The following FKBP5 variants were observed in gnomAD, a reference collection of about 807,000 sequenced individuals.
The protein encoded by FKBP5 is peptidyl-prolyl cis-trans isomerase FKBP5.
Under a neutral mutation model 50.5 loss-of-function variants are expected in FKBP5, and 23 were observed. The ratio of observed to expected loss-of-function variants is 0.46; its 90% CI spans 0.33 to 0.65. The LOEUF is 0.65. Ranked by LOEUF, FKBP5 falls within the 30% of genes least tolerant of loss-of-function variation. The probability of loss-of-function intolerance (pLI) is 0.02; values close to 1 mark genes in which losing one functional copy is unlikely to be tolerated. For synonymous variants in FKBP5, 176 were observed against 190.6 expected (o/e 0.92, Z 0.63); for missense variants, 411 against 553.1 (o/e 0.74, Z 2.58).
At chr6:35,637,310 A>G in intron 2 of FKBP5, 152 bp from the exon 3 acceptor site, 1 of 679,038 alleles carries the variant, frequency 1.5e-6, no homozygotes, top group Non-Finnish European at 2.4e-6. Context: ...ATTCCTCACA[A>G]TAACTCATTG....
Position 35,653,947 on chromosome 6 carries a change from T to A in FKBP5, c.-19-11104A>T, listed in dbSNP as rs73417679. Among the ~76,000 whole-genome samples the A allele has an allele frequency of 1.4e-3, 207 of 152,042 alleles. 1 individual carries two copies. The highest frequency in any genetic ancestry group is 4.8e-3 in the African/African-American group (199 of 41,518). On this transcript the variant is annotated intron_variant, in intron 1 of 10. Transcript: ENST00000357266. Reference sequence around the variant, plus strand: ...TAAAAATTTATTGACTTAAAAAAAATAATAAAAATAAAAAATATTGTATAA... The same window carrying A: ...TAAAAATTTATTGACTTAAAAAAAAAAATAAAAATAAAAAATATTGTATAA...
intron 1 of FKBP5, among the ~76,000 whole-genome samples, chr6:35,726,582 A>G (rs1766717276): frequency 7.5e-6 from 1 of 132,608 alleles, no homozygotes; most frequent in Non-Finnish European, 1.6e-5. Context: ...ACACACACAC[A>G]GCTCAAGGCC....
At chr6:35,642,089 A>G (rs1368369911) in intron 2 of FKBP5, among the ~76,000 whole-genome samples, 1 of 152,166 alleles carries the variant, frequency 6.6e-6, no homozygotes, top group African/African-American at 2.4e-5. Flanking sequence ...AAAAGTCTTC[A>G]AAATTGTCAT....
chr6:35,608,025 T>C (rs1353341226), intron 5 of FKBP5: 1 of 149,128 alleles, frequency 6.7e-6, no homozygotes, highest in Non-Finnish European at 1.5e-5. Flanking sequence ...ATATATACCA[T>C]GAAATACTAT....
At chr6:35,700,262 G>A (rs1258316433) in intron 2 of FKBP5, among the ~76,000 whole-genome samples, 3 of 152,172 alleles carry the variant, frequency 2.0e-5, no homozygotes, top group East Asian at 3.9e-4. Flanking sequence ...CTGGGTTCAA[G>A]CGATTCTCCT....
chr6:35,646,815 A>G (rs922320518), intron 1 of FKBP5, among the ~76,000 whole-genome samples: 1 of 152,228 alleles, frequency 6.6e-6, no homozygotes, highest in Admixed American at 6.5e-5. Flanking sequence ...CATGGCAGAT[A>G]AGCATACACT....
intron 5 of FKBP5, among the ~76,000 whole-genome samples, chr6:35,616,450 A>G (rs1763663332): frequency 6.6e-6 from 1 of 152,114 alleles, no homozygotes; most frequent in Non-Finnish European, 1.5e-5. Flanking sequence ...TACTACATCA[A>G]TGTTAACTTC....
chr6:35,597,650 A>G (rs1424641957), intron 5 of FKBP5, among the ~76,000 whole-genome samples: 1 of 152,222 alleles, frequency 6.6e-6, no homozygotes, highest in Non-Finnish European at 1.5e-5. Context: ...TTAGTGGGTA[A>G]CAAACCAGAA....
intron 1 of FKBP5, among the ~76,000 whole-genome samples, chr6:35,685,060 C>CAA (rs550437689): frequency 7.7e-6 from 1 of 130,508 alleles, no homozygotes. Context: ...GACCCCGACT[C>CAA]AAAAAAAAAA....
chr6:35,616,187 C>T (rs1420255041), intron 5 of FKBP5, among the ~76,000 whole-genome samples: 3 of 151,692 alleles, frequency 2.0e-5, no homozygotes, highest in South Asian at 2.1e-4. Flanking sequence ...TGGTGGCGTG[C>T]GCCTATAGTC....
intron 1 of FKBP5, 52 bp from the exon 2 acceptor site, chr6:35,642,895 T>G: frequency 3.0e-6 from 4 of 1,346,404 alleles, no homozygotes; most frequent in Non-Finnish European, 4.2e-6. Context: ...TCTTTATGAA[T>G]CTTGAATGTC....
intron 1 of FKBP5, among the ~76,000 whole-genome samples, chr6:35,688,401 G>A (rs1421985737): frequency 6.6e-6 from 1 of 152,074 alleles, no homozygotes; most frequent in African/African-American, 2.4e-5. Context: ...GAGAGCCGGG[G>A]GCCAGAGACC....
chr6:35,646,469 C>G (rs1377478835), intron 1 of FKBP5, among the ~76,000 whole-genome samples: 1 of 152,150 alleles, frequency 6.6e-6, no homozygotes, highest in African/African-American at 2.4e-5. Flanking sequence ...ACTGAATTTT[C>G]CAAGTATTTC....
chr6:35,612,847 A>G (rs578209492), intron 5 of FKBP5, among the ~76,000 whole-genome samples: 1 of 152,198 alleles, frequency 6.6e-6, no homozygotes, highest in Non-Finnish European at 1.5e-5. Context: ...ACACGTGGGG[A>G]TTGTGGGAAC....
At chr6:35,689,762 G>T (rs370113035), upstream of FKBP5, among the ~76,000 whole-genome samples, 9 of 152,224 alleles carry the variant, frequency 5.9e-5, no homozygotes, top group South Asian at 1.9e-3. Flanking sequence ...GCTTGAACCT[G>T]GGAGGCAGAG....
intron 2 of FKBP5, among the ~76,000 whole-genome samples, chr6:35,704,845 C>A (rs1766251665): frequency 6.6e-6 from 1 of 151,880 alleles, no homozygotes; most frequent in African/African-American, 2.4e-5. Context: ...GTCACTGAAA[C>A]CATTTGATTC....
At chr6:35,704,707 T>C (rs1295064367) in intron 2 of FKBP5, among the ~76,000 whole-genome samples, 5 of 101,190 alleles carry the variant, frequency 4.9e-5, no homozygotes, top group African/African-American at 2.4e-4. Context: ...AATGACAATA[T>C]GATTTTTTTT....
At chr6:35,689,305 C>T (rs142153369), upstream of FKBP5, among the ~76,000 whole-genome samples, 1 of 152,316 alleles carries the variant, frequency 6.6e-6, no homozygotes, top group East Asian at 1.9e-4. Flanking sequence ...TCCACAGGGC[C>T]TACCTAGAGG....
chr6:35,722,972 G>T (rs1041151309), intron 1 of FKBP5, among the ~76,000 whole-genome samples: 1 of 152,208 alleles, frequency 6.6e-6, no homozygotes, highest in African/African-American at 2.4e-5. Context: ...GATGGCTCAC[G>T]CCTGTAATCC....
Sources: allele counts gnomAD v4.1 joint callset (sites outside exome capture counted in the v4.1 genomes callset), GRCh38; gene constraint gnomAD v4.1.1; transcripts MANE v1.5; gene names NCBI Gene and HGNC (gene_info 2026-07-23, HGNC 2026-07-21).